Variants in CCDC148 observed in about 807,000 individuals in gnomAD.
CCDC148 encodes the protein coiled-coil domain containing 148.
A neutral mutation model predicts 85.7 loss-of-function variants in CCDC148; 89 were observed. The ratio of observed to expected loss-of-function variants is 1.04; its 90% CI spans 0.87 to 1.24. The LOEUF is 1.24. CCDC148 is among the 50% of genes most tolerant of loss of function. The pLI, the probability that CCDC148 is intolerant of heterozygous loss-of-function variation, is 0.00. For missense variants in CCDC148, 692 were observed against 671.7 expected, an observed-to-expected ratio of 1.03 and a Z score of -0.33; for synonymous variants, 230 against 213.9, an observed-to-expected ratio of 1.08 and a Z score of -0.66.
At chr2:158,361,003 C>A (rs10168710) in intron 1 of CCDC148, among the ~76,000 whole-genome samples, 53,722 of 151,078 alleles carry the variant, frequency 0.36, 9,860 homozygotes, top group African/African-American at 0.45. Context: ...GCTGAAAAAC[C>A]CAGCACAAGA....
intron 1 of CCDC148, among the ~76,000 whole-genome samples, chr2:158,451,363 T>A (rs1688397902): frequency 6.6e-6 from 1 of 152,220 alleles, no homozygotes; most frequent in African/African-American, 2.4e-5. Context: ...TTCAGTATTT[T>A]AAATAAAATA....
At position 158,262,985 on chromosome 2, in the gene CCDC148, C is replaced by T. The variant is rs76545332; in HGVS notation, c.1111-12073G>A. ...CATCTAGCATGTCACTACGTGATTA[C>T]GTGATTTCAATAGGAAACTTTAGCC... On this transcript the variant is annotated intron_variant, in intron 9 of 13. Coordinates refer to ENST00000283233, the MANE Select transcript of CCDC148 (RefSeq NM_138803.4). 2.0e-3 allele frequency among the ~76,000 whole-genome samples: 298 copies of T among 152,168 alleles called. 8 individuals are homozygous for T. In the East Asian group the frequency reaches 0.05, roughly 25 times the overall value.
intron 1 of CCDC148, among the ~76,000 whole-genome samples, chr2:158,411,537 T>C (rs866214859): frequency 1.3e-5 from 2 of 152,126 alleles, no homozygotes; most frequent in Non-Finnish European, 2.9e-5. Flanking sequence ...TTGTTCTTCA[T>C]TGTTATTTCT....
chr2:158,416,357 T>G (rs1476639313), intron 1 of CCDC148, among the ~76,000 whole-genome samples: 4 of 152,190 alleles, frequency 2.6e-5, no homozygotes, highest in African/African-American at 9.6e-5. Flanking sequence ...CTTAGGCAAA[T>G]TTTTGCAGCC....
intron 7 of CCDC148, among the ~76,000 whole-genome samples, chr2:158,324,316 G>T (rs1692662446): frequency 6.6e-6 from 1 of 152,052 alleles, no homozygotes; most frequent in African/African-American, 2.4e-5. Flanking sequence ...AAGAAAAAAA[G>T]AAAGTCCATG....
At chr2:158,279,207 T>C (rs1690129344) in intron 9 of CCDC148, among the ~76,000 whole-genome samples, 1 of 152,116 alleles carries the variant, frequency 6.6e-6, no homozygotes, top group Non-Finnish European at 1.5e-5. Context: ...CTGGAAACTC[T>C]AAAAAGCAGA....
intron 1 of CCDC148, chr2:158,366,090 G>A (rs768233245): frequency 2.2e-5 from 32 of 1,479,320 alleles, no homozygotes; most frequent in Admixed American, 9.1e-5. Flanking sequence ...TTAAGGAAAC[G>A]AGAGAACTAA....
At chr2:158,352,410 C>T (rs561187178) in intron 2 of CCDC148, among the ~76,000 whole-genome samples, 7,917 of 152,110 alleles carry the variant, frequency 0.052, 370 homozygotes, top group African/African-American at 0.13. Context: ...AACCAAGGCT[C>T]GAGAACTACG....
intron 1 of CCDC148, among the ~76,000 whole-genome samples, chr2:158,368,991 G>A (rs1448523273): frequency 6.6e-6 from 1 of 151,846 alleles, no homozygotes; most frequent in Non-Finnish European, 1.5e-5. Context: ...TAGGGTTAAG[G>A]TTGTACTACA....
chr2:158,393,727 C>T, intron 1 of CCDC148, among the ~76,000 whole-genome samples: 1 of 152,082 alleles, frequency 6.6e-6, no homozygotes, highest in East Asian at 1.9e-4. Flanking sequence ...GAGAGCAGAT[C>T]ACAGAGGTGG....
In CCDC148 at chr2:158,177,835, A is replaced by T. The variant is rs890126848; in HGVS notation, c.1488+1044T>A. Among the ~76,000 whole-genome samples, 10 of 152,104 alleles carry T rather than the reference A, an allele frequency of 6.6e-5. No homozygotes were observed. The East Asian group carries it at 1.9e-3, about 29-fold the overall frequency. On this transcript the variant is annotated intron_variant, in intron 12 of 13. Coordinates refer to ENST00000283233, the MANE Select transcript of CCDC148 (RefSeq NM_138803.4). The stretch of plus-strand genomic sequence containing the variant: ...CTTCCTTGGTTTGAATCAGTATAAC[A>T]TTTACTAGCTGTGTGACTTTGAAGA...
At chr2:158,176,863 C>G (rs542585946) in intron 12 of CCDC148, among the ~76,000 whole-genome samples, 1 of 151,956 alleles carries the variant, frequency 6.6e-6, no homozygotes, top group African/African-American at 2.4e-5. Flanking sequence ...ACATATAAGA[C>G]AAAATATTAA....
intron 11 of CCDC148, among the ~76,000 whole-genome samples, chr2:158,195,483 G>A (rs1253712530): frequency 1.3e-5 from 2 of 151,912 alleles, no homozygotes. Flanking sequence ...GAAGTTTTGC[G>A]TTTTTGCTAA....
chr2:158,181,924 C>A (rs1009050328), intron 11 of CCDC148, among the ~76,000 whole-genome samples: 8 of 151,074 alleles, frequency 5.3e-5, no homozygotes, highest in Admixed American at 1.3e-4. Flanking sequence ...GAATGGAAGG[C>A]CTCCTGATCT....
chr2:158,252,364 T>A (rs937634769), intron 9 of CCDC148, among the ~76,000 whole-genome samples: 5 of 151,688 alleles, frequency 3.3e-5, no homozygotes, highest in Non-Finnish European at 7.4e-5. Context: ...ATTGACCTTT[T>A]TCTTGGGAAC....
rs542662306 is a variant in CCDC148, at chr2:158,372,714, A to G, written c.26-14144T>C. On this transcript the variant is annotated intron_variant, in intron 1 of 13. Transcript: ENST00000283233. The stretch of plus-strand genomic sequence containing the variant: ...TATCTGCTCTTCTAGCCCAGCTACC[A>G]TCACACAATTGCCTGGATGAGTGAT... Among the ~76,000 whole-genome samples the G allele has an allele frequency of 2.0e-5, 3 of 152,138 alleles. No homozygotes were observed. In the East Asian group the frequency reaches 5.8e-4, roughly 29 times the overall value.
At chr2:158,272,799 A>G (rs1364807121) in intron 9 of CCDC148, among the ~76,000 whole-genome samples, 1 of 152,210 alleles carries the variant, frequency 6.6e-6, no homozygotes, top group African/African-American at 2.4e-5. Context: ...GCATGAAACA[A>G]TGAAATCCAG....
At chr2:158,342,325 A>G (rs769427731) in intron 3 of CCDC148, among the ~76,000 whole-genome samples, 30 of 152,056 alleles carry the variant, frequency 2.0e-4, no homozygotes, top group Non-Finnish European at 3.1e-4. Flanking sequence ...GCCAATTTAC[A>G]TGGGACAAGG....
intron 10 of CCDC148, among the ~76,000 whole-genome samples, chr2:158,233,773 T>TA (rs1687968012): frequency 6.6e-6 from 1 of 152,076 alleles, no homozygotes; most frequent in African/African-American, 2.4e-5. Context: ...ATTCTATACT[T>TA]AGTCATTCCT....
Sources: allele counts gnomAD v4.1 joint callset (sites outside exome capture counted in the v4.1 genomes callset), GRCh38; gene constraint gnomAD v4.1.1; transcripts MANE v1.5; gene names NCBI Gene and HGNC (gene_info 2026-07-23, HGNC 2026-07-21).